The following GFRA1 variants were observed in gnomAD, a reference collection of about 807,000 sequenced individuals.
The protein encoded by GFRA1 is GDNF family receptor alpha 1, also known as GDNF family receptor alpha-1.
Under a neutral mutation model 51.6 loss-of-function variants are expected in GFRA1, and 16 were observed. The observed-to-expected ratio is 0.31, with a 90% CI of 0.21 to 0.47. The LOEUF is 0.47. Among genes scored for constraint, GFRA1 ranks in the 20% least tolerant of loss-of-function variants. The pLI is 1.00. For missense variants in GFRA1, 530 were observed against 594.3 expected (o/e 0.89, Z 1.13); for synonymous variants, 270 against 241.3 (o/e 1.12, Z -1.10).
chr10:116,192,534 CAG>C (rs1455727292), intron 5 of GFRA1, among the ~76,000 whole-genome samples: 7 of 152,178 alleles, frequency 4.6e-5, no homozygotes, highest in Non-Finnish European at 1.0e-4. Context: ...AAGGCAAACA[CAG>C]AGCTCGCTTT....
chr10:116,198,704 C>T (rs1964091342), intron 5 of GFRA1, among the ~76,000 whole-genome samples: 2 of 152,256 alleles, frequency 1.3e-5, no homozygotes, highest in Middle Eastern at 3.4e-3. Context: ...TCCACCAGCC[C>T]TGGACTCTCT....
intron 10 of GFRA1, among the ~76,000 whole-genome samples, chr10:116,065,143 G>C (rs772968988): frequency 1.7e-4 from 26 of 152,122 alleles, no homozygotes; most frequent in Non-Finnish European, 3.7e-4. Flanking sequence ...ACACACAGCA[G>C]AATTTTCGGT....
At chr10:116,152,580 G>A (rs576261499) in intron 5 of GFRA1, among the ~76,000 whole-genome samples, 10 of 152,272 alleles carry the variant, frequency 6.6e-5, no homozygotes, top group African/African-American at 1.4e-4. Context: ...AACCATTCAC[G>A]AGGGATCTGC....
rs1045809947 is a variant in GFRA1, at chr10:116,062,029, T to C, written c.*2369A>G. ...TTTATCACTGAAGAAAAATGAGATA[T>C]TTGTTGGTGACAGATGAGGCTTTTC... is the stretch of plus-strand genomic sequence containing the variant. On this transcript the variant is annotated 3_prime_UTR_variant, in exon 11 of 11. Transcript: ENST00000355422. 1.5e-5 allele frequency: 6 copies of C among 398,584 alleles called. No individual in the cohort carries two copies. The highest frequency in any genetic ancestry group is 8.8e-5 in the Admixed American group (2 of 22,728). The allele number at this position is 398,584 out of a possible 1,614,324, so 24.7% of individuals were successfully genotyped here.
intron 5 of GFRA1, among the ~76,000 whole-genome samples, chr10:116,192,689 CTT>C (rs1963381319): frequency 6.6e-6 from 1 of 152,134 alleles, no homozygotes; most frequent in African/African-American, 2.4e-5. Flanking sequence ...AGCACATCCT[CTT>C]AAAAGTGTGG....
intron 5 of GFRA1, among the ~76,000 whole-genome samples, chr10:116,148,043 CGT>C (rs1050295817): frequency 3.3e-4 from 29 of 87,454 alleles, no homozygotes; most frequent in African/African-American, 1.1e-3. Context: ...TGTGCATGTG[CGT>C]GTGTGCATGC....
chr10:116,269,725 C>T lies in GFRA1; in HGVS notation c.335-139G>A, dbSNP rs115170070. The T allele has an allele frequency of 1.6e-3, 1,123 of 689,508 alleles. 8 individuals are homozygous for T. The African/African-American group carries it at 0.017, about 11-fold the overall frequency. 42.7% of individuals were successfully genotyped at this position (689,508 alleles called of 1,614,324 possible). On this transcript the variant is annotated intron_variant, in intron 3 of 10. Coordinates refer to ENST00000355422, the MANE Select transcript of GFRA1 (RefSeq NM_005264.8). ...AAACTTTGAAAGATTTCAAATGCAT[C>T]TCTTTCACTATGGTTATTTCTTTTC...
intron 5 of GFRA1, among the ~76,000 whole-genome samples, chr10:116,144,409 A>T (rs928267454): frequency 2.6e-5 from 4 of 152,138 alleles, no homozygotes; most frequent in African/African-American, 7.2e-5. Flanking sequence ...AATATTAACT[A>T]AAAAAATGAT....
chr10:116,196,213 G>C (rs1277915369), intron 5 of GFRA1, among the ~76,000 whole-genome samples: 2 of 151,252 alleles, frequency 1.3e-5, no homozygotes, highest in Admixed American at 1.3e-4. Context: ...AAAACAGCTG[G>C]GCATGGTGGC....
At chr10:116,234,842 G>C (rs1179346598) in intron 4 of GFRA1, among the ~76,000 whole-genome samples, 1 of 152,138 alleles carries the variant, frequency 6.6e-6, no homozygotes, top group African/African-American at 2.4e-5. Context: ...GGACCCGATG[G>C]GAGGTAATTT....
intron 4 of GFRA1, among the ~76,000 whole-genome samples, chr10:116,247,146 G>A (rs1967932277): frequency 6.6e-6 from 1 of 152,072 alleles, no homozygotes; most frequent in Non-Finnish European, 1.5e-5. Flanking sequence ...CCCCATCTCA[G>A]AAAATGGCAC....
chr10:116,100,570 G>A (rs1308667267), intron 6 of GFRA1, among the ~76,000 whole-genome samples: 2 of 152,200 alleles, frequency 1.3e-5, no homozygotes, highest in Non-Finnish European at 2.9e-5. Context: ...GCCTTTGAAT[G>A]ATCCAAGGGT....
At chr10:116,255,431 C>T (rs931915019) in intron 4 of GFRA1, among the ~76,000 whole-genome samples, 2 of 151,318 alleles carry the variant, frequency 1.3e-5, no homozygotes, top group African/African-American at 4.9e-5. Context: ...GAAAACAATG[C>T]TTCAACTGTT....
At chr10:116,120,416 A>G (rs2134003515) in intron 6 of GFRA1, among the ~76,000 whole-genome samples, 1 of 152,130 alleles carries the variant, frequency 6.6e-6, no homozygotes, top group South Asian at 2.1e-4. Flanking sequence ...AAAAATAATT[A>G]ATTAATTAAT....
chr10:116,228,863 T>A (rs1966492930), intron 4 of GFRA1, among the ~76,000 whole-genome samples: 1 of 149,734 alleles, frequency 6.7e-6, no homozygotes, highest in Admixed American at 6.7e-5. Flanking sequence ...GCATCTGTAA[T>A]CCCAGCTACT....
At chr10:116,197,388 C>A (rs1474678240) in intron 5 of GFRA1, among the ~76,000 whole-genome samples, 5 of 152,134 alleles carry the variant, frequency 3.3e-5, no homozygotes, top group Non-Finnish European at 2.9e-5. Context: ...GACCTCCCAG[C>A]CTCTAGAACT....
chr10:116,129,172 G>A (rs963341349), intron 5 of GFRA1, among the ~76,000 whole-genome samples: 5 of 151,988 alleles, frequency 3.3e-5, no homozygotes, highest in Admixed American at 1.3e-4. Context: ...TAACCTTTCC[G>A]AACTTGACAT....
Position 116,069,209 on chromosome 10 carries a change from C to T in GFRA1, c.1198-3583G>A, listed in dbSNP as rs144849938. Among the ~76,000 whole-genome samples the T allele has an allele frequency of 7.6e-3, 1,163 of 152,164 alleles. 18 individuals carry two copies. Among genetic ancestry groups the T allele is most frequent in the African/African-American group, 0.026 (1,088 of 41,500 alleles). Reference sequence around the variant, plus strand: ...AACAAGAGATGAAGAAGAGAAGATGCGTTTTATTTTTTGAAAAATCAATTC... The same window carrying T: ...AACAAGAGATGAAGAAGAGAAGATGTGTTTTATTTTTTGAAAAATCAATTC... On this transcript the variant is annotated intron_variant, in intron 9 of 10. Coordinates refer to ENST00000355422, the MANE Select transcript of GFRA1 (RefSeq NM_005264.8).
At chr10:116,081,012 C>T (rs1955826033) in intron 9 of GFRA1, among the ~76,000 whole-genome samples, 1 of 152,224 alleles carries the variant, frequency 6.6e-6, no homozygotes, top group South Asian at 2.1e-4. Flanking sequence ...GGAAACCCCC[C>T]CAGACCTTGC....
Sources: gnomAD v4.1 joint callset for allele counts (sites outside exome capture counted in the v4.1 genomes callset) on GRCh38, gnomAD v4.1.1 for gene constraint, MANE v1.5 for transcripts, NCBI Gene and HGNC (gene_info 2026-07-23, HGNC 2026-07-21) for gene names.